Variants in MAGI2 observed in about 807,000 individuals in gnomAD.
MAGI2 encodes the protein membrane-associated guanylate kinase, WW and PDZ domain-containing protein 2.
MAGI2 carries 35 observed loss-of-function variants against 133.3 expected under a neutral mutation model. The observed-to-expected ratio is 0.26, with a 90% CI of 0.20 to 0.35. The LOEUF (loss-of-function observed/expected upper bound fraction) is 0.35. Ranked by LOEUF, MAGI2 falls within the 10% of genes least tolerant of loss-of-function variation. The pLI, the probability that MAGI2 is intolerant of heterozygous loss-of-function variation, is 1.00. For synonymous variants in MAGI2, 729 were observed against 710.6 expected, an observed-to-expected ratio of 1.03 and a Z score of -0.41; for missense variants, 1,636 against 1,863.4, an observed-to-expected ratio of 0.88 and a Z score of 2.25.
At chr7:78,690,061 C>G (rs1816795458) in intron 2 of MAGI2, among the ~76,000 whole-genome samples, 2 of 151,914 alleles carry the variant, frequency 1.3e-5, no homozygotes, top group South Asian at 4.1e-4. Context: ...AGAACTTTTC[C>G]TCTATCAAAA....
At chr7:78,633,604 G>T (rs766900854) in intron 2 of MAGI2, among the ~76,000 whole-genome samples, 4 of 151,880 alleles carry the variant, frequency 2.6e-5, no homozygotes, top group Non-Finnish European at 5.9e-5. Flanking sequence ...TACTCCGGAG[G>T]CTGAGGCAGG....
At chr7:78,283,862 T>C (rs183472444) in intron 9 of MAGI2, among the ~76,000 whole-genome samples, 20 of 152,276 alleles carry the variant, frequency 1.3e-4, no homozygotes, top group African/African-American at 4.8e-4. Context: ...GTATTTTAAA[T>C]GTCAGTGAGC....
chr7:78,183,288 A>G (rs1454067360), intron 13 of MAGI2, among the ~76,000 whole-genome samples: 2 of 137,540 alleles, frequency 1.5e-5, no homozygotes. Context: ...TTTTTTTGAG[A>G]TGGAGTCTCG....
chr7:79,448,782 C>T (rs762978388), intron 1 of MAGI2, among the ~76,000 whole-genome samples: 7 of 151,848 alleles, frequency 4.6e-5, no homozygotes, highest in Non-Finnish European at 7.4e-5. Flanking sequence ...GAGTTACAAG[C>T]AATGAAAAGG....
chr7:79,062,921 C>A (rs370512631), intron 1 of MAGI2, among the ~76,000 whole-genome samples: 9 of 152,174 alleles, frequency 5.9e-5, no homozygotes, highest in African/African-American at 2.2e-4. Flanking sequence ...AAGAAACAAC[C>A]ACCCAGTGAA....
chr7:79,246,958 T>A (rs1370869272), intron 1 of MAGI2, among the ~76,000 whole-genome samples: 1 of 152,162 alleles, frequency 6.6e-6, no homozygotes, highest in African/African-American at 2.4e-5. Flanking sequence ...AGCAGCAGAA[T>A]TATTTGTGGA....
intron 2 of MAGI2, among the ~76,000 whole-genome samples, chr7:78,640,465 T>G (rs1339140848): frequency 6.6e-6 from 1 of 152,186 alleles, no homozygotes. Flanking sequence ...ACTTCTGGCA[T>G]AAGAGATATT....
intron 3 of MAGI2, among the ~76,000 whole-genome samples, chr7:78,577,255 G>A (rs1802364375): frequency 6.6e-6 from 1 of 152,094 alleles, no homozygotes; most frequent in African/African-American, 2.4e-5. Flanking sequence ...GGTGATAAAA[G>A]TAATTCTAAA....
At chr7:78,147,172 C>T (rs956134394) in intron 16 of MAGI2, among the ~76,000 whole-genome samples, 1 of 152,116 alleles carries the variant, frequency 6.6e-6, no homozygotes, top group Non-Finnish European at 1.5e-5. Flanking sequence ...AATGCAATTT[C>T]GCATGACTGG....
intron 21 of MAGI2, among the ~76,000 whole-genome samples, chr7:78,075,508 C>T (rs976381098): frequency 5.3e-5 from 8 of 151,846 alleles, no homozygotes; most frequent in African/African-American, 1.9e-4. Context: ...TCCTGAGTAG[C>T]TGGGACTACA....
At chr7:78,324,539 AC>A (rs1446051144) in intron 9 of MAGI2, among the ~76,000 whole-genome samples, 1 of 152,148 alleles carries the variant, frequency 6.6e-6, no homozygotes, top group Non-Finnish European at 1.5e-5. Flanking sequence ...CAGGGTTATC[AC>A]AAAAATTAAA....
intron 6 of MAGI2, among the ~76,000 whole-genome samples, chr7:78,463,767 C>G (rs889002851): frequency 6.6e-6 from 1 of 152,146 alleles, no homozygotes; most frequent in African/African-American, 2.4e-5. Flanking sequence ...CATTATTTTT[C>G]ATGTCTACTA....
chr7:78,909,823 G>T (rs553565808), intron 2 of MAGI2, among the ~76,000 whole-genome samples: 45 of 152,174 alleles, frequency 3.0e-4, no homozygotes, highest in African/African-American at 1.1e-3. Flanking sequence ...CTACTATAAA[G>T]ACACATGCAC....
chr7:78,517,852 G>A (rs1215179712), intron 4 of MAGI2, among the ~76,000 whole-genome samples: 1 of 152,062 alleles, frequency 6.6e-6, no homozygotes, highest in African/African-American at 2.4e-5. Flanking sequence ...ATATTCACAT[G>A]TCATGTGAAT....
At chr7:78,370,097 T>C (rs947642966) in intron 6 of MAGI2, among the ~76,000 whole-genome samples, 3 of 152,108 alleles carry the variant, frequency 2.0e-5, no homozygotes, top group African/African-American at 7.2e-5. Context: ...TTTATTATTA[T>C]AGCAATAATA....
intron 5 of MAGI2, among the ~76,000 whole-genome samples, chr7:78,491,343 G>T (rs1361880220): frequency 6.6e-6 from 1 of 152,056 alleles, no homozygotes; most frequent in Non-Finnish European, 1.5e-5. Context: ...ATCTGTCTAG[G>T]TATAGAGCTA....
At chr7:78,734,575 C>G (rs1438217786) in intron 2 of MAGI2, among the ~76,000 whole-genome samples, 1 of 152,166 alleles carries the variant, frequency 6.6e-6, no homozygotes. Context: ...GTACATTTGA[C>G]CACCCTATGT....
chr7:78,120,837 T>C lies in MAGI2; in HGVS notation c.3567+4857A>G, dbSNP rs529250897. 3.7e-3 allele frequency among the ~76,000 whole-genome samples: 558 copies of C among 150,102 alleles called. 1 individual carries two copies. Among genetic ancestry groups the C allele is most frequent in the African/African-American group, 0.013 (523 of 40,846 alleles). ...TAAAACGGTGAAACCCCGTCTCTAC[T>C]AAAAATACAAAAAATTAGCCGGGCG... On this transcript the variant is annotated intron_variant, in intron 20 of 21. Transcript: ENST00000354212.
In MAGI2 at chr7:78,866,995, A is replaced by C. The variant is rs10272765; in HGVS notation, c.418+140095T>G. On this transcript the variant is annotated intron_variant, in intron 2 of 21. Coordinates refer to ENST00000354212, the MANE Select transcript of MAGI2 (RefSeq NM_012301.4). ...CAAATCAAAACCACAATGAGATATC[A>C]TCTCACACCAGTTAGAATGGCAATC... 7.5e-3 allele frequency among the ~76,000 whole-genome samples: 1,144 copies of C among 151,918 alleles called. 20 individuals are homozygous for C. The highest frequency in any genetic ancestry group is 0.026 in the African/African-American group (1,082 of 41,430).
Sources: allele counts gnomAD v4.1 joint callset (sites outside exome capture counted in the v4.1 genomes callset), GRCh38; gene constraint gnomAD v4.1.1; transcripts MANE v1.5; gene names NCBI Gene and HGNC (gene_info 2026-07-23, HGNC 2026-07-21).